Variants in RBFOX1 observed in about 807,000 individuals in gnomAD.
RBFOX1 encodes RNA binding fox-1 homolog 1, also known as RNA binding protein fox-1 homolog 1.
In RBFOX1, 8 loss-of-function variants were observed where a neutral mutation model predicts 57.7. The observed-to-expected ratio is 0.14, with a 90% confidence interval of 0.08 to 0.25. The LOEUF (loss-of-function observed/expected upper bound fraction) is 0.25. RBFOX1 is among the 10% of genes least tolerant of loss of function. The probability of loss-of-function intolerance (pLI) is 1.00; values close to 1 mark genes in which losing one functional copy is unlikely to be tolerated. For missense variants in RBFOX1, 611 were observed against 548.5 expected (o/e 1.11, Z -1.14); for synonymous variants, 326 against 222.4 (o/e 1.47, Z -4.15).
chr16:5,405,881 T>A (rs1209613091), intron 1 of RBFOX1, among the ~76,000 whole-genome samples: 8 of 151,926 alleles, frequency 5.3e-5, no homozygotes, highest in Admixed American at 4.6e-4. Flanking sequence ...GAGGGCAGAG[T>A]GATCCAAGTC....
chr16:5,379,235 C>G (rs890692902), intron 1 of RBFOX1, among the ~76,000 whole-genome samples: 9 of 151,544 alleles, frequency 5.9e-5, no homozygotes, highest in South Asian at 2.1e-4. Context: ...CATAAAAGTT[C>G]AGGTGAATTT....
chr16:7,652,639 C>G (rs182264343), intron 11 of RBFOX1, among the ~76,000 whole-genome samples: 1 of 152,308 alleles, frequency 6.6e-6, no homozygotes, highest in East Asian at 1.9e-4. Context: ...AACTCCTGAC[C>G]TCATGATCCA....
At chr16:7,300,637 G>C (rs887611899) in intron 4 of RBFOX1, among the ~76,000 whole-genome samples, 8 of 151,826 alleles carry the variant, frequency 5.3e-5, no homozygotes, top group African/African-American at 1.9e-4. Flanking sequence ...TGGAATGTCT[G>C]CTATTTCAAC....
intron 2 of RBFOX1, among the ~76,000 whole-genome samples, chr16:6,620,142 C>G (rs1233117655): frequency 2.0e-5 from 3 of 152,044 alleles, no homozygotes; most frequent in Admixed American, 6.6e-5. Context: ...GAAATCATAA[C>G]AAACAGTCTC....
At chr16:7,551,466 G>A (rs2086508273) in intron 5 of RBFOX1, among the ~76,000 whole-genome samples, 1 of 152,208 alleles carries the variant, frequency 6.6e-6, no homozygotes, top group African/African-American at 2.4e-5. Flanking sequence ...CTGGGTGAAA[G>A]CCATGAGACA....
At chr16:6,161,580 G>C (rs915066931) in intron 1 of RBFOX1, among the ~76,000 whole-genome samples, 1 of 152,108 alleles carries the variant, frequency 6.6e-6, no homozygotes, top group Admixed American at 6.5e-5. Context: ...TGTCTGGAAA[G>C]GAATTGCATG....
intron 3 of RBFOX1, among the ~76,000 whole-genome samples, chr16:6,969,397 T>C (rs2085008884): frequency 6.6e-6 from 1 of 150,412 alleles, no homozygotes; most frequent in South Asian, 2.1e-4. Context: ...TTGTTCATGA[T>C]GCATATTTCA....
intron 3 of RBFOX1, among the ~76,000 whole-genome samples, chr16:5,690,848 T>A (rs1195703719): frequency 6.6e-6 from 1 of 152,160 alleles, no homozygotes; most frequent in Non-Finnish European, 1.5e-5. Context: ...CCATTGTTTT[T>A]ACATGCCCAG....
intron 1 of RBFOX1, among the ~76,000 whole-genome samples, chr16:5,368,159 A>G (rs1014998172): frequency 3.9e-5 from 6 of 152,210 alleles, no homozygotes; most frequent in Admixed American, 1.3e-4. Flanking sequence ...TCTGGGAGCT[A>G]TCTGTTTGAA....
intron 4 of RBFOX1, among the ~76,000 whole-genome samples, chr16:5,907,596 C>A (rs1046282919): frequency 1.3e-5 from 2 of 152,068 alleles, no homozygotes; most frequent in African/African-American, 4.8e-5. Flanking sequence ...TACATAAGTA[C>A]TCATTTAAGT....
Position 5,376,671 on chromosome 16 carries a change from C to CACAGTAGCCT in RBFOX1, c.220-90545_220-90544insACAGTAGCCT, listed in dbSNP as rs1567412733. Among the ~76,000 whole-genome samples the CACAGTAGCCT allele has an allele frequency of 1.5e-3, 227 of 148,586 alleles. 4 individuals carry two copies. Among genetic ancestry groups the CACAGTAGCCT allele is most frequent in the African/African-American group, 5.7e-3 (216 of 38,070 alleles). On this transcript the variant is annotated intron_variant, in intron 1 of 2. Coordinates refer to the RBFOX1 transcript ENST00000585867. ...TGGTTACTAGGCGTGGCACATGCTG[C>CACAGTAGCCT]GGGTACCATTGGTTCTTGTCCCCTT...
At chr16:7,688,407 C>G (rs893057496) in intron 14 of RBFOX1, among the ~76,000 whole-genome samples, 2 of 151,976 alleles carry the variant, frequency 1.3e-5, no homozygotes, top group African/African-American at 4.8e-5. Flanking sequence ...TGAGCAGAAT[C>G]TTTGCCCATA....
intron 3 of RBFOX1, among the ~76,000 whole-genome samples, chr16:7,032,054 C>G (rs543622636): frequency 6.6e-6 from 1 of 152,144 alleles, no homozygotes; most frequent in African/African-American, 2.4e-5. Flanking sequence ...TATTTAGTGG[C>G]TTGGAAGCTG....
chr16:6,908,569 C>G (rs771986780), intron 3 of RBFOX1, among the ~76,000 whole-genome samples: 29 of 152,218 alleles, frequency 1.9e-4, no homozygotes, highest in Non-Finnish European at 3.5e-4. Flanking sequence ...CCAAGCATGT[C>G]TTATCCATGT....
intron 1 of RBFOX1, among the ~76,000 whole-genome samples, chr16:5,361,579 T>G (rs562785726): frequency 7.5e-4 from 114 of 152,286 alleles, no homozygotes; most frequent in African/African-American, 2.6e-3. Flanking sequence ...GTTAAGAGTT[T>G]CAAGACAGTG....
chr16:7,025,612 G>T (rs1475470092), intron 3 of RBFOX1, among the ~76,000 whole-genome samples: 5 of 152,098 alleles, frequency 3.3e-5, no homozygotes, highest in African/African-American at 1.2e-4. Flanking sequence ...GAGCTAAGGA[G>T]ACCTGGGCAT....
chr16:5,988,736 A>G (rs1236079027), intron 4 of RBFOX1, among the ~76,000 whole-genome samples: 2 of 152,230 alleles, frequency 1.3e-5, no homozygotes, highest in African/African-American at 4.8e-5. Flanking sequence ...TTTGTGGATC[A>G]GTAATCTGAG....
chr16:6,567,528 C>T (rs2097283944), intron 2 of RBFOX1, among the ~76,000 whole-genome samples: 1 of 152,170 alleles, frequency 6.6e-6, no homozygotes, highest in Admixed American at 6.5e-5. Flanking sequence ...TGCTCTGTCA[C>T]CTTCATAGCA....
At chr16:6,435,457 C>G (rs1372213180) in intron 2 of RBFOX1, among the ~76,000 whole-genome samples, 2 of 152,050 alleles carry the variant, frequency 1.3e-5, no homozygotes, top group African/African-American at 4.8e-5. Flanking sequence ...TGCCATCACA[C>G]CCAGCTAATT....
Sources: gnomAD v4.1 joint callset for allele counts (sites outside exome capture counted in the v4.1 genomes callset) on GRCh38, gnomAD v4.1.1 for gene constraint, MANE v1.5 for transcripts, NCBI Gene and HGNC (gene_info 2026-07-23, HGNC 2026-07-21) for gene names.